CDH22: variants seen among roughly 807,000 people sequenced by gnomAD.
The protein encoded by CDH22 is cadherin-22.
In CDH22, 30 loss-of-function variants were observed where a neutral mutation model predicts 58.4. The ratio of observed to expected loss-of-function variants is 0.51; its 90% CI spans 0.38 to 0.70. CDH22 has a LOEUF of 0.70. Ranked by LOEUF, CDH22 falls within the 30% of genes least tolerant of loss-of-function variation. CDH22 has a pLI of 0.00. For missense variants in CDH22, 1,014 were observed against 1,233.9 expected, an observed-to-expected ratio of 0.82 and a Z score of 2.67; for synonymous variants, 513 against 558.2, an observed-to-expected ratio of 0.92 and a Z score of 1.14.
chr20:46,267,517 A>G (rs2086466898), intron 1 of CDH22, among the ~76,000 whole-genome samples: 1 of 152,212 alleles, frequency 6.6e-6, no homozygotes, highest in African/African-American at 2.4e-5. Context: ...TGAGAACCAC[A>G]TGGCTAGGGG....
chr20:46,240,871 C>T, intron 3 of CDH22, 92 bp downstream of exon 3: 1 of 1,188,394 alleles, frequency 8.4e-7, no homozygotes, highest in Non-Finnish European at 1.2e-6. Context: ...CTTTTCTGTC[C>T]CTCCCCAGAG....
chr20:46,182,153 C>T (rs1301845032), intron 10 of CDH22, among the ~76,000 whole-genome samples: 3 of 152,110 alleles, frequency 2.0e-5, no homozygotes, highest in African/African-American at 7.2e-5. Context: ...CAACAGGAGG[C>T]CATTGATTGG....
chr20:46,228,892 C>T lies in CDH22; in HGVS notation c.551-1265G>A, dbSNP rs200946527. On this transcript the variant is annotated intron_variant, in intron 3 of 11. Transcript: ENST00000537909. ...AGCAATTCTGCTAAGCCCAGCCCGC[C>T]GCCCGCCTCTCCCGCCTCCAGCCTG... 5.9e-5 allele frequency among the ~76,000 whole-genome samples: 9 copies of T among 152,314 alleles called. No homozygotes were observed. In the South Asian group the frequency reaches 1.2e-3, roughly 21 times the overall value.
At chr20:46,223,754 CTTTTTCTTTCTTTCTTTCTTTCCT>C (rs1568664282) in intron 4 of CDH22, among the ~76,000 whole-genome samples, 4 of 121,634 alleles carry the variant, frequency 3.3e-5, no homozygotes, top group Non-Finnish European at 5.2e-5. Context: ...TTTCCTCTTT[CTTTTTCTTTCTTTCTTTCTTTCCT>C]CTCTTTCTTT....
chr20:46,189,539 G>C (rs2085849319), intron 8 of CDH22, among the ~76,000 whole-genome samples: 1 of 152,180 alleles, frequency 6.6e-6, no homozygotes, highest in African/African-American at 2.4e-5. Flanking sequence ...CATGTCGAAG[G>C]TACAGCAGGA....
At chr20:46,305,793 T>C (rs1005763083) in intron 1 of CDH22, among the ~76,000 whole-genome samples, 19 of 152,240 alleles carry the variant, frequency 1.2e-4, no homozygotes, top group African/African-American at 4.3e-4. Context: ...CTTTGCCAAC[T>C]CGGGAGGAGA....
intron 1 of CDH22, among the ~76,000 whole-genome samples, chr20:46,253,231 C>G (rs1600717645): frequency 6.6e-6 from 1 of 152,358 alleles, no homozygotes; most frequent in East Asian, 1.9e-4. Context: ...TGAAAATTGT[C>G]TTATGCCTAT....
At chr20:46,272,554 A>C (rs2086496636) in intron 1 of CDH22, among the ~76,000 whole-genome samples, 1 of 152,246 alleles carries the variant, frequency 6.6e-6, no homozygotes, top group Admixed American at 6.5e-5. Flanking sequence ...AGGAGAAGGA[A>C]GCACGATGAC....
intron 1 of CDH22, among the ~76,000 whole-genome samples, chr20:46,269,287 C>T (rs1170459977): frequency 6.6e-6 from 1 of 152,132 alleles, no homozygotes; most frequent in African/African-American, 2.4e-5. Flanking sequence ...CACAGAATAT[C>T]AAAGCTGGAA....
intron 1 of CDH22, among the ~76,000 whole-genome samples, chr20:46,261,080 T>C (rs1255774438): frequency 6.6e-6 from 1 of 152,200 alleles, no homozygotes; most frequent in Non-Finnish European, 1.5e-5. Context: ...TTCCATTATT[T>C]TACTGTATGT....
At chr20:46,222,618 G>A (rs1156697560) in intron 4 of CDH22, among the ~76,000 whole-genome samples, 1 of 152,218 alleles carries the variant, frequency 6.6e-6, no homozygotes, top group African/African-American at 2.4e-5. Context: ...AGCTCCCGCA[G>A]CCTTGTCTTC....
chr20:46,182,713 G>T (rs2085798507), intron 10 of CDH22, among the ~76,000 whole-genome samples: 1 of 152,254 alleles, frequency 6.6e-6, no homozygotes, highest in African/African-American at 2.4e-5. Context: ...GCCCAGCGCT[G>T]CATCCATCCA....
At chr20:46,288,149 G>T (rs1218886639) in intron 1 of CDH22, among the ~76,000 whole-genome samples, 1 of 152,158 alleles carries the variant, frequency 6.6e-6, no homozygotes, top group Admixed American at 6.5e-5. Context: ...GCCCTTGCAT[G>T]TACTGTTCCA....
rs190676266 is a variant in CDH22 at position 46,187,858 on chromosome 20, C to T, written c.1424-911G>A. ...CCTGTGGTTTGGTACAATTTCTATC[C>T]CCATATTGCAAAGGAGAAACTAAAA... On this transcript the variant is annotated intron_variant, in intron 8 of 11. Transcript: ENST00000537909. 1.4e-3 allele frequency among the ~76,000 whole-genome samples: 212 copies of T among 152,206 alleles called. 9 individuals carry two copies. The South Asian group carries it at 0.042, about 30-fold the overall frequency.
chr20:46,301,218 CAT>C (rs939129189), intron 1 of CDH22, among the ~76,000 whole-genome samples: 2 of 151,892 alleles, frequency 1.3e-5, no homozygotes, highest in Admixed American at 6.6e-5. Flanking sequence ...CACACACACA[CAT>C]ACACACACAC....
chr20:46,220,622 G>A (rs1161579553), intron 4 of CDH22: 1 of 152,400 alleles, frequency 6.6e-6, no homozygotes, highest in African/African-American at 2.4e-5. Context: ...CAAAGGCTCA[G>A]TGTCCCAGCT....
intron 4 of CDH22, among the ~76,000 whole-genome samples, chr20:46,226,513 A>T (rs1257124271): frequency 6.6e-6 from 1 of 151,248 alleles, no homozygotes; most frequent in Admixed American, 6.6e-5. Context: ...AAACTCCTGA[A>T]CTCAAGCAAT....
At chr20:46,199,243 C>A (rs565677600) in intron 8 of CDH22, among the ~76,000 whole-genome samples, 180 bp downstream of exon 8, 1 of 152,240 alleles carries the variant, frequency 6.6e-6, no homozygotes, top group African/African-American at 2.4e-5. Flanking sequence ...TCGCCTTCAC[C>A]GCTGTGAGAT....
intron 1 of CDH22, among the ~76,000 whole-genome samples, chr20:46,254,554 CAAAAAAAAA>C (rs1257630029): frequency 1.6e-5 from 1 of 64,128 alleles, no homozygotes; most frequent in Non-Finnish European, 3.5e-5. Context: ...AATTCCATCT[CAAAAAAAAA>C]AAAAAAAAAA....
Sources: allele counts gnomAD v4.1 joint callset (sites outside exome capture counted in the v4.1 genomes callset), GRCh38; gene constraint gnomAD v4.1.1; transcripts MANE v1.5; gene names NCBI Gene and HGNC (gene_info 2026-07-23, HGNC 2026-07-21).